Variants in ADAMTS9 observed in about 807,000 individuals in gnomAD.
The protein encoded by ADAMTS9 is A disintegrin and metalloproteinase with thrombospondin motifs 9.
In ADAMTS9, 107 loss-of-function variants were observed where a neutral mutation model predicts 257.1. The observed-to-expected ratio is 0.42, with a 90% CI of 0.36 to 0.49. The LOEUF (loss-of-function observed/expected upper bound fraction) is 0.49. ADAMTS9 is among the 20% of genes least tolerant of loss of function. The pLI is 0.03. For missense variants in ADAMTS9, 2,353 were observed against 2,469.1 expected, an observed-to-expected ratio of 0.95 and a Z score of 1.00; for synonymous variants, 982 against 880.9, an observed-to-expected ratio of 1.11 and a Z score of -2.03.
Position 64,686,979 on chromosome 3 carries a change from A to C in ADAMTS9, c.116-11T>G, listed in dbSNP as rs1026799655. 6.2e-7 allele frequency: 1 copy of C among 1,610,440 alleles called. No individual in the cohort carries two copies. Among genetic ancestry groups the C allele is most frequent in the Non-Finnish European group, 8.5e-7 (1 of 1,178,050 alleles). On this transcript the variant is annotated splice_polypyrimidine_tract_variant and intron_variant, in intron 1 of 39. Coordinates refer to ENST00000498707, the MANE Select transcript of ADAMTS9 (RefSeq NM_182920.2). The surrounding 1 kb of genome is among the most constrained non-coding windows in gnomAD (Gnocchi z 4.6). Reference sequence around the variant, plus strand: ...TCTCTAATAATTTCACTGCGGAGAGAAGCAGAGGTATATGAACCAATAATT... The same window carrying C: ...TCTCTAATAATTTCACTGCGGAGAGCAGCAGAGGTATATGAACCAATAATT...
chr3:64,554,208 G>A (rs150705203), intron 30 of ADAMTS9, among the ~76,000 whole-genome samples: 20 of 152,228 alleles, frequency 1.3e-4, no homozygotes, highest in East Asian at 3.9e-4. Context: ...CTTGTTAAGC[G>A]TTTCTCTCTC....
chr3:64,584,906 G>T (rs901368342), intron 28 of ADAMTS9, among the ~76,000 whole-genome samples: 1 of 152,074 alleles, frequency 6.6e-6, no homozygotes, highest in East Asian at 1.9e-4. Flanking sequence ...TCTAAGTCAG[G>T]ATATCATCAT....
Position 64,538,777 on chromosome 3 carries a change from A to T in ADAMTS9, c.5613+426T>A, listed in dbSNP as rs78873466. 9.8e-3 allele frequency among the ~76,000 whole-genome samples: 1,489 copies of T among 152,178 alleles called. 48 individuals carry two copies. Among genetic ancestry groups the T allele is most frequent in the East Asian group, 0.075 (387 of 5,166 alleles). ...TAATGTTGACGGCTTGAAATCAATTATAGGGAGAATATTTACACCATGGCA... is the reference window on the plus strand; with the variant it reads ...TAATGTTGACGGCTTGAAATCAATTTTAGGGAGAATATTTACACCATGGCA... On this transcript the variant is annotated intron_variant, in intron 37 of 39. Transcript: ENST00000498707.
chr3:64,590,626 A>T (rs1304103463), intron 28 of ADAMTS9, among the ~76,000 whole-genome samples: 1 of 152,182 alleles, frequency 6.6e-6, no homozygotes, highest in Non-Finnish European at 1.5e-5. Flanking sequence ...TACTGGTATC[A>T]AACATTTTCT....
chr3:64,650,477 C>T (rs1378192485), intron 9 of ADAMTS9: 1 of 153,678 alleles, frequency 6.5e-6, no homozygotes, highest in East Asian at 1.9e-4. Context: ...GCTTAAAAAA[C>T]AAAACAAGAA....
chr3:64,632,646 A>C (rs1390820731), intron 14 of ADAMTS9, among the ~76,000 whole-genome samples: 2 of 152,202 alleles, frequency 1.3e-5, no homozygotes, highest in South Asian at 2.1e-4. Flanking sequence ...GAGAGTCCAC[A>C]TTCTTGTCCG....
chr3:64,629,741 G>C (rs1700320791), intron 16 of ADAMTS9, among the ~76,000 whole-genome samples: 1 of 152,058 alleles, frequency 6.6e-6, no homozygotes, highest in Non-Finnish European at 1.5e-5. Flanking sequence ...TTTTTTATCT[G>C]TTTTGTTCAT....
intron 38 of ADAMTS9, among the ~76,000 whole-genome samples, chr3:64,524,198 T>C (rs1014113472): frequency 6.6e-6 from 1 of 152,214 alleles, no homozygotes; most frequent in Non-Finnish European, 1.5e-5. Flanking sequence ...GACTTTGATA[T>C]AAATGCAAAG....
At chr3:64,679,064 T>G (rs1701692087) in intron 3 of ADAMTS9, among the ~76,000 whole-genome samples, 1 of 152,176 alleles carries the variant, frequency 6.6e-6, no homozygotes, top group Non-Finnish European at 1.5e-5. Context: ...GGAACCAAAA[T>G]AGACTTTTAT....
chr3:64,601,183 G>A (rs758382614), intron 26 of ADAMTS9, among the ~76,000 whole-genome samples: 46 of 152,146 alleles, frequency 3.0e-4, no homozygotes, highest in Non-Finnish European at 6.3e-4. Context: ...AAAGACAACT[G>A]TCGACATTTA....
In ADAMTS9 at chr3:64,546,578, A is replaced by G. The variant is rs9311895; in HGVS notation, c.5064+180T>C. On this transcript the variant is annotated intron_variant, in intron 32 of 39. Coordinates refer to ENST00000498707, the MANE Select transcript of ADAMTS9 (RefSeq NM_182920.2). ...GCTTCAGAGCCCATGTTCTAAGCACAAAGCCACTTTGGTAAACAGAAAGAA... is the reference window on the plus strand; with the variant it reads ...GCTTCAGAGCCCATGTTCTAAGCACGAAGCCACTTTGGTAAACAGAAAGAA... Among the ~76,000 whole-genome samples, 133,527 of 152,220 alleles carry G rather than the reference A, an allele frequency of 0.88. 59,519 individuals are homozygous for G. The highest frequency in any genetic ancestry group is 0.97 in the Non-Finnish European group (65,714 of 68,026).
chr3:64,661,095 A>C (rs13097995), intron 3 of ADAMTS9, among the ~76,000 whole-genome samples: 58,716 of 152,064 alleles, frequency 0.39, 12,333 homozygotes, highest in African/African-American at 0.55. Flanking sequence ...GAACATATAC[A>C]CCAAGGGTAA....
chr3:64,687,045 T>A lies in ADAMTS9; in HGVS notation c.116-77A>T. On this transcript the variant is annotated intron_variant, in intron 1 of 39. Coordinates refer to ENST00000498707, the MANE Select transcript of ADAMTS9 (RefSeq NM_182920.2). This position sits in a 1 kb window ranked among gnomAD's most constrained non-coding sequence, Gnocchi z 4.4. Reference sequence around the variant, plus strand: ...TTTAATTTAAAACGAAGGTGGGGACTTTGTTCTGACCTTATTTTCCAGCCC... The same window carrying A: ...TTTAATTTAAAACGAAGGTGGGGACATTGTTCTGACCTTATTTTCCAGCCC... The A allele has an allele frequency of 6.6e-7, 1 of 1,509,572 alleles. No individual in the cohort carries two copies. Among genetic ancestry groups the A allele is most frequent in the Non-Finnish European group, 8.9e-7 (1 of 1,117,964 alleles). 93.5% of individuals were successfully genotyped at this position (1,509,572 alleles called of 1,614,324 possible).
intron 16 of ADAMTS9, among the ~76,000 whole-genome samples, chr3:64,623,200 T>C (rs1054270586): frequency 6.6e-6 from 1 of 152,130 alleles, no homozygotes; most frequent in Non-Finnish European, 1.5e-5. Flanking sequence ...CCACATTCAA[T>C]AGGAATGACT....
intron 28 of ADAMTS9, among the ~76,000 whole-genome samples, chr3:64,575,719 A>G (rs1201882656): frequency 6.6e-6 from 1 of 152,200 alleles, no homozygotes; most frequent in Non-Finnish European, 1.5e-5. Flanking sequence ...CTCTCAGCTC[A>G]GATTTGTTCT....
chr3:64,529,982 A>AG (rs2082956284), intron 38 of ADAMTS9, among the ~76,000 whole-genome samples: 1 of 106,472 alleles, frequency 9.4e-6, no homozygotes, highest in Non-Finnish European at 1.8e-5. Context: ...CAGTTATTTA[A>AG]TTTTTTTTTT....
chr3:64,676,849 G>A (rs1701635035), intron 3 of ADAMTS9, among the ~76,000 whole-genome samples: 2 of 152,162 alleles, frequency 1.3e-5, no homozygotes. Flanking sequence ...AAATTACCTG[G>A]CCTTGCTGAG....
chr3:64,672,787 A>T (rs1440798846), intron 3 of ADAMTS9, among the ~76,000 whole-genome samples: 1 of 152,204 alleles, frequency 6.6e-6, no homozygotes. Context: ...CTAATTGCAA[A>T]CTGGCCCTTC....
In ADAMTS9 at chr3:64,525,676, T is replaced by A. The variant is rs576042355; in HGVS notation, c.5719-3416A>T. 3.3e-5 allele frequency among the ~76,000 whole-genome samples: 5 copies of A among 152,122 alleles called. No homozygotes were observed. In the East Asian group the frequency reaches 7.7e-4, roughly 23 times the overall value. On this transcript the variant is annotated intron_variant, in intron 38 of 39. Transcript: ENST00000498707. ...CCCAGGCTGCAGTGCAATGGCGCAATGTCAGCTCACTGCAACCTCCACCTC... is the reference window on the plus strand; with the variant it reads ...CCCAGGCTGCAGTGCAATGGCGCAAAGTCAGCTCACTGCAACCTCCACCTC...
Sources: allele counts gnomAD v4.1 joint callset (sites outside exome capture counted in the v4.1 genomes callset), GRCh38; gene constraint gnomAD v4.1.1; non-coding constraint Gnocchi (gnomAD v3.1); transcripts MANE v1.5; gene names NCBI Gene and HGNC (gene_info 2026-07-23, HGNC 2026-07-21).